Variants in DNTTIP2 observed in about 807,000 individuals in gnomAD.
The protein encoded by DNTTIP2 is deoxynucleotidyltransferase terminal-interacting protein 2.
DNTTIP2 carries 47 observed loss-of-function variants against 62.4 expected under a neutral mutation model. That is an observed-to-expected ratio of 0.75 (90% CI 0.60 to 0.96). The LOEUF (loss-of-function observed/expected upper bound fraction) is 0.96. Among genes scored for constraint, DNTTIP2 ranks in the 40% least tolerant of loss-of-function variants. DNTTIP2 has a pLI of 0.00. For missense variants in DNTTIP2, 870 were observed against 849.1 expected, an observed-to-expected ratio of 1.02 and a Z score of -0.31; for synonymous variants, 322 against 300.9, an observed-to-expected ratio of 1.07 and a Z score of -0.73.
In DNTTIP2 at chr1:93,866,516, C is replaced by CT. The variant is rs1303994236; in HGVS notation, c.*3334dup. Reference sequence around the variant, plus strand: ...CTGAGAGACTGAATACCTGGTACATCTCTCAGAAATGTTAACTTTTTTTTC... The same window carrying CT: ...CTGAGAGACTGAATACCTGGTACATCTTCTCAGAAATGTTAACTTTTTTTTC... On this transcript the variant is annotated 3_prime_UTR_variant, in exon 7 of 7. Coordinates refer to ENST00000436063, the MANE Select transcript of DNTTIP2 (RefSeq NM_014597.5). The CT allele has an allele frequency of 6.6e-6, 1 of 152,186 alleles. No homozygotes were observed. Among genetic ancestry groups the CT allele is most frequent in the Non-Finnish European group, 1.5e-5 (1 of 68,044 alleles). The allele number at this position is 152,186 out of a possible 1,614,324, so 9.4% of individuals were successfully genotyped here. A position where few individuals can be genotyped will look rare whatever the true frequency, so the allele number is the denominator to read the frequency against.
In DNTTIP2 at chr1:93,869,892, C is replaced by A; in HGVS notation, c.2230G>T (p.Ala744Ser). 1.3e-6 allele frequency: 1 copy of A among 780,278 alleles called. No homozygotes were observed. The highest frequency in any genetic ancestry group is 1.3e-5 in the South Asian group (1 of 74,564). 48.3% of individuals were successfully genotyped at this position (780,278 alleles called of 1,614,324 possible). A position where few individuals can be genotyped will look rare whatever the true frequency, so the allele number is the denominator to read the frequency against. ...EIMAEKAANA[A>S]GKKFRKKKKF... The stretch of plus-strand genomic sequence containing the variant: ...TTCTTCTTTCGGAACTTTTTTCCTG[C>A]TGCATTTGCTGCTTTTTCAGCCATG... Residue 744 changes from alanine (A) to serine (S), a missense_variant, in exon 7 of 7, where the codon GCA (alanine) becomes TCA (serine). Ala to Ser is a moderately conservative substitution (Grantham distance 99). Coordinates refer to ENST00000436063, the MANE Select transcript of DNTTIP2 (RefSeq NM_014597.5).
Position 93,870,742 on chromosome 1 carries a change from G to T in DNTTIP2, c.2118C>A (p.Pro706=). The part of the protein sequence containing the change: ...NPADFYHSRI[P]KKQRKRTIVE... ...CAATAGTTCTTTTCCTTTGCTTCTT[G>T]GGAATTCGTGAATGGTAGAAATCAG... The change falls in exon 6 of 7, where the codon CCC becomes CCA. Residue 706 remains proline (P), a synonymous_variant. Coordinates refer to ENST00000436063, the MANE Select transcript of DNTTIP2 (RefSeq NM_014597.5). The T allele has an allele frequency of 2.5e-6, 4 of 1,573,972 alleles. No individual in the cohort carries two copies. Among genetic ancestry groups the T allele is most frequent in the Non-Finnish European group, 3.5e-6 (4 of 1,156,926 alleles).
chr1:93,877,611 C>T lies in DNTTIP2; in HGVS notation c.324G>A (p.Arg108=). The part of the protein sequence containing the change: ...EHHDTILRVT[R]RRQILIACSP... Reference sequence around the variant, plus strand: ...AGCATGCAATTAAGATCTGCCTTCTCCTAGTTACCCTTAAAATGGTATCAT... The same window carrying T: ...AGCATGCAATTAAGATCTGCCTTCTTCTAGTTACCCTTAAAATGGTATCAT... Residue 108 remains arginine, a synonymous_variant, in exon 2 of 7, where the codon AGG becomes AGA. Coordinates refer to ENST00000436063, the MANE Select transcript of DNTTIP2 (RefSeq NM_014597.5). 1.9e-6 allele frequency: 3 copies of T among 1,613,958 alleles called. No individual in the cohort carries two copies. In the South Asian group the frequency reaches 3.3e-5, roughly 18 times the overall value.
chr1:93,878,474 G>A (rs1392268140), intron 1 of DNTTIP2: 2 of 154,016 alleles, frequency 1.3e-5, no homozygotes, highest in Non-Finnish European at 2.9e-5. Flanking sequence ...TATAGAAGAG[G>A]GGAGAAAGGG....
At chr1:93,872,766 A>G (rs1470617162) in intron 4 of DNTTIP2, among the ~76,000 whole-genome samples, 1 of 152,188 alleles carries the variant, frequency 6.6e-6, no homozygotes, top group East Asian at 1.9e-4. Context: ...GTTAGTGCCT[A>G]CCATGTGCCA....
At chr1:93,877,949 C>G (rs1227664505) in intron 1 of DNTTIP2, 87 bp from the exon 2 acceptor site, 2 of 1,448,018 alleles carry the variant, frequency 1.4e-6, no homozygotes, top group African/African-American at 2.9e-5. Flanking sequence ...AAGCTAAAAC[C>G]CAGTAAACAA....
chr1:93,872,298 TC>T (rs1049962457), intron 4 of DNTTIP2, 62 bp from the exon 5 acceptor site: 2 of 1,507,128 alleles, frequency 1.3e-6, no homozygotes, highest in Non-Finnish European at 9.0e-7. Context: ...ATAATTCATT[TC>T]CCCTGAAGTA....
intron 4 of DNTTIP2, 79 bp from the exon 5 acceptor site, chr1:93,872,315 T>C (rs959410816): frequency 1.0e-5 from 14 of 1,391,482 alleles, no homozygotes; most frequent in African/African-American, 1.4e-5. Context: ...AAGTAACACA[T>C]ACAGAAAATT....
In DNTTIP2 at chr1:93,876,371, CTT is replaced by C. The variant is rs1557719100; in HGVS notation, c.1562_1563del (p.Glu521GlyfsTer5). ...TCTTCACTTTTTTCATCCTCTTCCT[CTT>C]CTTTTTCTTCCTCAATGGCAACCTC... The part of the protein sequence containing the change: ...ASEVAIEEEK[E>X]EEEDEKSEED... On this transcript the variant is annotated frameshift_variant, in exon 2 of 7. Transcript: ENST00000436063. LOFTEE classifies it high-confidence loss of function. The C allele has an allele frequency of 3.2e-6, 5 of 1,574,710 alleles. No individual in the cohort carries two copies. Among genetic ancestry groups the C allele is most frequent in the Non-Finnish European group, 4.3e-6 (5 of 1,158,654 alleles).
In DNTTIP2 at chr1:93,877,067, T is replaced by C; in HGVS notation, c.868A>G (p.Lys290Glu). The C allele has an allele frequency of 1.2e-6, 2 of 1,612,096 alleles. No homozygotes were observed. The highest frequency in any genetic ancestry group is 1.7e-6 in the Non-Finnish European group (2 of 1,179,826). ...VHEQANVESLKETKQNCKDLD... is the reference protein window; with the variant it reads ...VHEQANVESLEETKQNCKDLD... ...TCCTTACAATTCTGTTTTGTTTCTT[T>C]AAGAGATTCAACATTGGCCTGTTCG... Residue 290 changes from lysine (K) to glutamate (E), a missense_variant, in exon 2 of 7, where the codon AAA (lysine) becomes GAA (glutamate). Lys to Glu is a moderately conservative substitution (Grantham distance 56). Transcript: ENST00000436063.
rs1260871353 is a variant in DNTTIP2 at position 93,877,233 on chromosome 1, C to G, written c.702G>C (p.Val234=). The G allele has an allele frequency of 6.2e-7, 1 of 1,613,918 alleles. No individual in the cohort carries two copies. The highest frequency in any genetic ancestry group is 8.5e-7 in the Non-Finnish European group (1 of 1,179,882). ...GTCTGGTATCTGAATCCTCTGAATT[C>G]ACAGGTGTACCCACGATCTGTTTCT... ...GNEKQIVGTP[V]NSEDSDTRQT... Residue 234 remains valine (V), a synonymous_variant, in exon 2 of 7, where the codon GTG becomes GTC. Transcript: ENST00000436063.
chr1:93,879,164 G>GCGAC lies in DNTTIP2; in HGVS notation c.-20_-17dup. 1 of 1,610,786 alleles carries GCGAC rather than the reference G, an allele frequency of 6.2e-7. No individual in the cohort carries two copies. The highest frequency in any genetic ancestry group is 1.1e-5 in the South Asian group (1 of 90,994). On this transcript the variant is annotated 5_prime_UTR_variant, in exon 1 of 7. Transcript: ENST00000436063. ...TAACCACCATCTTTCCGGCTCCCTC[G>GCGAC]CGACCACCACGACTTCCCTCTTCCC...
rs756831964 is a variant in DNTTIP2 at position 93,876,244 on chromosome 1, TATAAAA to T, written c.1667+18_1667+23del. ...ACTTGAAATACATGTATCAAAAACT[TATAAAA>T]ATAAAGGAAAAACTTACAGTTTAGC... is the stretch of plus-strand genomic sequence containing the variant. On this transcript the variant is annotated intron_variant, in intron 2 of 6. Coordinates refer to ENST00000436063, the MANE Select transcript of DNTTIP2 (RefSeq NM_014597.5). The T allele has an allele frequency of 3.0e-4, 443 of 1,472,926 alleles. No homozygotes were observed. The highest frequency in any genetic ancestry group is 3.9e-4 in the Non-Finnish European group (430 of 1,114,778). 91.2% of individuals were successfully genotyped at this position (1,472,926 alleles called of 1,614,324 possible). A position where few individuals can be genotyped will look rare whatever the true frequency, so the allele number is the denominator to read the frequency against.
chr1:93,867,900 G>C lies in DNTTIP2; in HGVS notation c.*1951C>G, dbSNP rs1323363640. 6.6e-6 allele frequency: 1 copy of C among 151,932 alleles called. No individual in the cohort carries two copies. Among genetic ancestry groups the C allele is most frequent in the Non-Finnish European group, 1.5e-5 (1 of 68,016 alleles). 9.4% of individuals were successfully genotyped at this position (151,932 alleles called of 1,614,324 possible). A position where few individuals can be genotyped will look rare whatever the true frequency, so the allele number is the denominator to read the frequency against. Reference sequence around the variant, plus strand: ...GTTATTGTCAGTTCTGCTATTACTAGCTTTTGACTCCAAGCAGTAAATATG... The same window carrying C: ...GTTATTGTCAGTTCTGCTATTACTACCTTTTGACTCCAAGCAGTAAATATG... On this transcript the variant is annotated 3_prime_UTR_variant, in exon 7 of 7. Coordinates refer to ENST00000436063, the MANE Select transcript of DNTTIP2 (RefSeq NM_014597.5).
chr1:93,873,063 G>A, intron 4 of DNTTIP2, 56 bp downstream of exon 4: 1 of 1,248,710 alleles, frequency 8.0e-7, no homozygotes, highest in Non-Finnish European at 1.2e-6. Context: ...TGTTGTATAA[G>A]CTGAAAATAT....
At position 93,879,163 on chromosome 1, in the gene DNTTIP2, C is replaced by G; in HGVS notation, c.-15G>C. 1 of 1,610,918 alleles carries G rather than the reference C, an allele frequency of 6.2e-7. No individual in the cohort carries two copies. Among genetic ancestry groups the G allele is most frequent in the Non-Finnish European group, 8.5e-7 (1 of 1,179,184 alleles). ...GTAACCACCATCTTTCCGGCTCCCT[C>G]GCGACCACCACGACTTCCCTCTTCC... On this transcript the variant is annotated 5_prime_UTR_variant, in exon 1 of 7. Transcript: ENST00000436063.
In DNTTIP2 at chr1:93,876,882, G is replaced by C. The variant is rs1656024958; in HGVS notation, c.1053C>G (p.His351Gln). 6.2e-7 allele frequency: 1 copy of C among 1,613,858 alleles called. No homozygotes were observed. Among genetic ancestry groups the C allele is most frequent in the Admixed American group, 1.7e-5 (1 of 60,002 alleles). Reference sequence around the variant, plus strand: ...TTACAGCCTCAGAGTTCAGATTAGAGTGCACTGATACAGCATTTTTATTTT... The same window carrying C: ...TTACAGCCTCAGAGTTCAGATTAGACTGCACTGATACAGCATTTTTATTTT... ...TPQNKNAVSV[H>Q]SNLNSEAVMK... Residue 351 changes from histidine (H) to glutamine (Q), a missense_variant, in exon 2 of 7, where the codon CAC (histidine) becomes CAG (glutamine). His to Gln is a conservative substitution (Grantham distance 24, BLOSUM62 0). Coordinates refer to ENST00000436063, the MANE Select transcript of DNTTIP2 (RefSeq NM_014597.5).
Position 93,868,380 on chromosome 1 carries a change from C to A in DNTTIP2, c.*1471G>T, listed in dbSNP as rs1269229493. 1 of 152,184 alleles carries A rather than the reference C, an allele frequency of 6.6e-6. No homozygotes were observed. Among genetic ancestry groups the A allele is most frequent in the African/African-American group, 2.4e-5 (1 of 41,448 alleles). 9.4% of individuals were successfully genotyped at this position (152,184 alleles called of 1,614,324 possible). Reference sequence around the variant, plus strand: ...TGGAGAGGATATGGAGAACTAGGAACACTTTTACACTGTTGGTGGGAGTGT... The same window carrying A: ...TGGAGAGGATATGGAGAACTAGGAAAACTTTTACACTGTTGGTGGGAGTGT... On this transcript the variant is annotated 3_prime_UTR_variant, in exon 7 of 7. Coordinates refer to ENST00000436063, the MANE Select transcript of DNTTIP2 (RefSeq NM_014597.5).
chr1:93,874,919 G>A (rs1313735427), intron 3 of DNTTIP2, among the ~76,000 whole-genome samples: 1 of 152,222 alleles, frequency 6.6e-6, no homozygotes, highest in Non-Finnish European at 1.5e-5. Flanking sequence ...TGCACTAGCT[G>A]GTGACAGTCG....
Sources: gnomAD v4.1 joint callset for allele counts (sites outside exome capture counted in the v4.1 genomes callset) on GRCh38, gnomAD v4.1.1 for gene constraint, MANE v1.5 for transcripts, NCBI Gene and HGNC (gene_info 2026-07-23, HGNC 2026-07-21) for gene names.